GABRB1: variants seen among roughly 807,000 people sequenced by gnomAD.
GABRB1 encodes the protein gamma-aminobutyric acid receptor subunit beta-1.
A neutral mutation model predicts 51.6 loss-of-function variants in GABRB1; 17 were observed. That is an observed-to-expected ratio of 0.33 (90% confidence interval 0.23 to 0.49). GABRB1 has a LOEUF of 0.49. GABRB1 is among the 20% of genes least tolerant of loss of function. The probability of loss-of-function intolerance (pLI) is 0.99; values close to 1 mark genes in which losing one functional copy is unlikely to be tolerated. For missense variants in GABRB1, 410 were observed against 600.6 expected (o/e 0.68, Z 3.32); for synonymous variants, 247 against 218.9 (o/e 1.13, Z -1.14).
rs780271650 is a variant in GABRB1 at position 47,071,873 on chromosome 4, C to A, written c.240+39389C>A. ...AATACATATGTAACCTATTTTTTAG[C>A]AAAGCATAGAAAGCATGTTCTATTT... On this transcript the variant is annotated intron_variant, in intron 3 of 8. Coordinates refer to ENST00000295454, the MANE Select transcript of GABRB1 (RefSeq NM_000812.4). Among the ~76,000 whole-genome samples, 72 of 151,940 alleles carry A rather than the reference C, an allele frequency of 4.7e-4. 1 individual carries two copies. The highest frequency in any genetic ancestry group is 9.1e-4 in the Non-Finnish European group (62 of 67,960).
intron 1 of GABRB1, among the ~76,000 whole-genome samples, chr4:47,005,162 T>C (rs1370020116): frequency 6.6e-6 from 1 of 152,240 alleles, no homozygotes; most frequent in African/African-American, 2.4e-5. Flanking sequence ...CTCACGCCTA[T>C]AATCCCAGCA....
chr4:47,230,677 T>C (rs1721109775), intron 4 of GABRB1, among the ~76,000 whole-genome samples: 1 of 152,196 alleles, frequency 6.6e-6, no homozygotes, highest in African/African-American at 2.4e-5. Context: ...CCCATAACCA[T>C]GTGAGAATAG....
intron 5 of GABRB1, among the ~76,000 whole-genome samples, chr4:47,347,154 C>T (rs770245557): frequency 1.3e-5 from 2 of 151,778 alleles, no homozygotes; most frequent in Non-Finnish European, 2.9e-5. Flanking sequence ...TGGTGGAGCT[C>T]GACTGTAATC....
intron 4 of GABRB1, among the ~76,000 whole-genome samples, chr4:47,190,859 G>A (rs1719414850): frequency 6.6e-6 from 1 of 152,190 alleles, no homozygotes. Flanking sequence ...ACTGAACTGT[G>A]AGCATGGAAA....
chr4:47,357,610 T>C (rs1425813427), intron 5 of GABRB1, among the ~76,000 whole-genome samples: 2 of 152,342 alleles, frequency 1.3e-5, no homozygotes, highest in Non-Finnish European at 2.9e-5. Flanking sequence ...GTACAGAGAA[T>C]GTGCTGGTAC....
chr4:47,002,334 A>C (rs1024283447), intron 1 of GABRB1, among the ~76,000 whole-genome samples: 5 of 152,208 alleles, frequency 3.3e-5, no homozygotes, highest in Admixed American at 3.3e-4. Flanking sequence ...AAAGATGCAG[A>C]ATGTGTTGTG....
intron 3 of GABRB1, among the ~76,000 whole-genome samples, chr4:47,108,688 G>T (rs188078865): frequency 6.6e-5 from 10 of 152,016 alleles, no homozygotes; most frequent in African/African-American, 2.4e-4. Context: ...GCTTTTATGA[G>T]GAGCATCTTT....
In GABRB1 at chr4:47,425,992, G is replaced by A. The variant is rs1729280438; in HGVS notation, c.1399G>A (p.Val467Ile). The A allele has an allele frequency of 1.2e-6, 2 of 1,601,872 alleles. No individual in the cohort carries two copies. Among genetic ancestry groups the A allele is most frequent in the Non-Finnish European group, 8.5e-7 (1 of 1,172,990 alleles). ...CATCACCTTTTCTCTTTTTAATGTC[G>A]TCTATTGGCTTTACTATGTACACTG... Reference protein sequence around the residue: ...FPITFSLFNVVYWLYYVH With the variant: ...FPITFSLFNVIYWLYYVH Residue 467 changes from valine to isoleucine, a missense_variant, in exon 9 of 9, where the codon GTC becomes ATC. Around this residue, in one of 5 missense-constraint regions of GABRB1, gnomAD observed 181 missense variants for 195.6 expected, o/e 0.93. Coordinates refer to ENST00000295454, the MANE Select transcript of GABRB1 (RefSeq NM_000812.4).
At chr4:47,053,238 T>TATACCAAA (rs1228056116) in intron 3 of GABRB1, among the ~76,000 whole-genome samples, 2 of 152,210 alleles carry the variant, frequency 1.3e-5, no homozygotes, top group Admixed American at 6.5e-5. Context: ...TTCAGGCTGC[T>TATACCAAA]ATACCAAAAT....
chr4:47,150,211 ACACACG>A (rs1223127647), intron 3 of GABRB1, among the ~76,000 whole-genome samples: 2 of 147,414 alleles, frequency 1.4e-5, no homozygotes, highest in African/African-American at 5.0e-5. Context: ...ACACACACAC[ACACACG>A]CACACAGTTA....
At chr4:47,007,142 TA>T (rs60210572) in intron 1 of GABRB1, among the ~76,000 whole-genome samples, 19 of 145,382 alleles carry the variant, frequency 1.3e-4, no homozygotes, top group Admixed American at 2.1e-4. Context: ...CCTGTTTGGA[TA>T]AAAAAAAAAA....
chr4:47,281,412 T>C (rs1723289627), intron 4 of GABRB1, among the ~76,000 whole-genome samples: 1 of 152,230 alleles, frequency 6.6e-6, no homozygotes, highest in African/African-American at 2.4e-5. Flanking sequence ...TTGGCAAGGA[T>C]GTGGAGAAAA....
At chr4:47,296,277 A>G (rs1723989589) in intron 4 of GABRB1, among the ~76,000 whole-genome samples, 2 of 152,202 alleles carry the variant, frequency 1.3e-5, no homozygotes, top group African/African-American at 4.8e-5. Flanking sequence ...TTAAATGTAA[A>G]TGAGCTAAAT....
intron 4 of GABRB1, among the ~76,000 whole-genome samples, chr4:47,199,528 T>C (rs561947937): frequency 6.6e-6 from 1 of 152,088 alleles, no homozygotes; most frequent in South Asian, 2.1e-4. Context: ...TTTTAAGAAT[T>C]TTATACCAGC....
At chr4:47,040,449 CAG>C (rs1276017375) in intron 3 of GABRB1, among the ~76,000 whole-genome samples, 1 of 151,992 alleles carries the variant, frequency 6.6e-6, no homozygotes, top group Non-Finnish European at 1.5e-5. Context: ...CTTTGGATGA[CAG>C]GGGTTAGAGA....
intron 5 of GABRB1, among the ~76,000 whole-genome samples, chr4:47,347,205 C>A (rs1726132558): frequency 6.6e-6 from 1 of 151,742 alleles, no homozygotes; most frequent in Non-Finnish European, 1.5e-5. Flanking sequence ...TTGCTCCAAC[C>A]CAGGAGGTAG....
chr4:47,298,215 A>C (rs547739670), intron 4 of GABRB1, among the ~76,000 whole-genome samples: 43 of 152,210 alleles, frequency 2.8e-4, no homozygotes, highest in Non-Finnish European at 4.4e-4. Flanking sequence ...ACTCCTATTC[A>C]ACATAGAGTT....
rs369677316 is a variant in GABRB1, at chr4:47,205,879, T to G, written c.461+44410T>G. ...GGAGATGAGTGGTTTTACTATTTGTTCAGAGCTACCTTTCCCATTCTCAAA... is the reference window on the plus strand; with the variant it reads ...GGAGATGAGTGGTTTTACTATTTGTGCAGAGCTACCTTTCCCATTCTCAAA... On this transcript the variant is annotated intron_variant, in intron 4 of 8. Transcript: ENST00000295454. Among the ~76,000 whole-genome samples, 75 of 152,190 alleles carry G rather than the reference T, an allele frequency of 4.9e-4. 2 individuals are homozygous for G. The South Asian group carries it at 0.014, about 28-fold the overall frequency.
chr4:47,248,618 G>C (rs1721858297), intron 4 of GABRB1, among the ~76,000 whole-genome samples: 1 of 152,052 alleles, frequency 6.6e-6, no homozygotes, highest in South Asian at 2.1e-4. Flanking sequence ...GAATTCTGCT[G>C]TGAATCCATC....
Sources: allele counts gnomAD v4.1 joint callset (sites outside exome capture counted in the v4.1 genomes callset), GRCh38; gene constraint gnomAD v4.1.1; regional missense constraint gnomAD v4.1.1; transcripts MANE v1.5; gene names NCBI Gene and HGNC (gene_info 2026-07-23, HGNC 2026-07-21).